The following STK33 variants were observed in gnomAD, a reference collection of about 807,000 sequenced individuals.
The protein encoded by STK33 is serine/threonine-protein kinase 33.
Under a neutral mutation model 58.0 loss-of-function variants are expected in STK33, and 52 were observed. The ratio of observed to expected loss-of-function variants is 0.90; its 90% CI spans 0.72 to 1.13. The LOEUF is 1.13. STK33 is among the 50% of genes most tolerant of loss of function. The pLI is 0.00. For missense variants in STK33, 630 were observed against 604.2 expected (o/e 1.04, Z -0.45); for synonymous variants, 215 against 200.1 (o/e 1.07, Z -0.63).
intron 1 of STK33, chr11:8,567,314 T>C (rs1031653501): frequency 6.6e-6 from 1 of 152,104 alleles, no homozygotes; most frequent in Non-Finnish European, 1.5e-5. Flanking sequence ...AAAAAGTGAA[T>C]ATTACCTACC....
intron 11 of STK33, among the ~76,000 whole-genome samples, chr11:8,441,441 T>G (rs1944730520): frequency 6.6e-6 from 1 of 152,012 alleles, no homozygotes; most frequent in African/African-American, 2.4e-5. Flanking sequence ...AGCCTCAAAC[T>G]ACTAGGTTCA....
intron 14 of STK33, among the ~76,000 whole-genome samples, chr11:8,419,045 G>T (rs966576865): frequency 2.6e-5 from 4 of 152,010 alleles, no homozygotes; most frequent in African/African-American, 4.8e-5. Context: ...TGGGCTGTTT[G>T]TTGATAGTTT....
At chr11:8,555,870 A>T (rs1956712635) in intron 1 of STK33, among the ~76,000 whole-genome samples, 1 of 152,140 alleles carries the variant, frequency 6.6e-6, no homozygotes, top group Admixed American at 6.5e-5. Context: ...AAAAACAAGA[A>T]GGGAAAAGTA....
At chr11:8,348,165 C>A in the STK33 span, among the ~76,000 whole-genome samples, 127 of 152,330 alleles carry the variant, frequency 8.3e-4, 3 homozygotes, top group South Asian at 0.025. Context: ...TTTAGTGGCT[C>A]AGATCCCTCC....
rs567940053 is a variant in STK33, at chr11:8,530,975, G to A, written c.-465-50361C>T. ...CAAAGTGTTAGGATTACAGGCGCGA[G>A]CCACCACACCCAGCCTCAAAAGCAT... On this transcript the variant is annotated intron_variant, in intron 1 of 15. Transcript: ENST00000687296. Among the ~76,000 whole-genome samples the A allele has an allele frequency of 4.4e-4, 67 of 152,240 alleles. 2 individuals carry two copies. The South Asian group carries it at 0.013, about 31-fold the overall frequency.
At chr11:8,492,208 T>G (rs1950676107) in intron 1 of STK33, among the ~76,000 whole-genome samples, 1 of 151,888 alleles carries the variant, frequency 6.6e-6, no homozygotes, top group Non-Finnish European at 1.5e-5. Context: ...CCATCTCACG[T>G]GCAGAGACAC....
intron 1 of STK33, among the ~76,000 whole-genome samples, chr11:8,553,553 T>C (rs1332575172): frequency 6.6e-6 from 1 of 152,068 alleles, no homozygotes; most frequent in Non-Finnish European, 1.5e-5. Flanking sequence ...TACGACTGTA[T>C]ATTTTAAGGC....
At chr11:8,451,191 CTT>C (rs1946231628) in intron 11 of STK33, among the ~76,000 whole-genome samples, 1 of 152,116 alleles carries the variant, frequency 6.6e-6, no homozygotes, top group African/African-American at 2.4e-5. Context: ...TAAACATAAA[CTT>C]AACATATGAT....
At chr11:8,398,255 C>G (rs1363721390) in intron 15 of STK33, among the ~76,000 whole-genome samples, 2 of 152,218 alleles carry the variant, frequency 1.3e-5, no homozygotes, top group African/African-American at 4.8e-5. Context: ...AGACTAACAG[C>G]TGATCTCTCA....
At chr11:8,584,159 C>T (rs1019004571) in intron 1 of STK33, among the ~76,000 whole-genome samples, 1 of 151,322 alleles carries the variant, frequency 6.6e-6, no homozygotes, top group Non-Finnish European at 1.5e-5. Flanking sequence ...ATGGTAGGGC[C>T]AGAACCTAAG....
At chr11:8,407,819 A>G (rs950033688) in intron 15 of STK33, among the ~76,000 whole-genome samples, 3 of 152,192 alleles carry the variant, frequency 2.0e-5, no homozygotes, top group Admixed American at 6.5e-5. Flanking sequence ...AAAGGTACAA[A>G]TTTACAGATT....
At position 8,439,816 on chromosome 11, in the gene STK33, C is replaced by A. The variant is rs117381436; in HGVS notation, c.947+862G>T. On this transcript the variant is annotated intron_variant, in intron 12 of 15. Transcript: ENST00000687296. ...ATGCCAAGATGCTCTGACACTTCTCCGTATACAAATACATATATATATGTA... is the reference window on the plus strand; with the variant it reads ...ATGCCAAGATGCTCTGACACTTCTCAGTATACAAATACATATATATATGTA... Among the ~76,000 whole-genome samples, 3 of 140,206 alleles carry A rather than the reference C, an allele frequency of 2.1e-5. No individual in the cohort carries two copies. The Admixed American group carries it at 2.2e-4, about 11-fold the overall frequency. The allele number at this position is 140,206 out of a possible 152,430, so 92.0% of individuals were successfully genotyped here. A position where few individuals can be genotyped will look rare whatever the true frequency, so the allele number is the denominator to read the frequency against.
intron 11 of STK33, among the ~76,000 whole-genome samples, chr11:8,448,870 T>C (rs1364333069): frequency 6.8e-6 from 1 of 147,816 alleles, no homozygotes; most frequent in Non-Finnish European, 1.5e-5. Context: ...GAGAAAATTG[T>C]TGCAATCTAC....
the STK33 span, among the ~76,000 whole-genome samples, chr11:8,344,070 G>A: frequency 6.6e-6 from 1 of 152,096 alleles, no homozygotes. Flanking sequence ...AAATAATAGG[G>A]CTGGACGCAG....
At chr11:8,583,826 A>C (rs897902110) in intron 1 of STK33, among the ~76,000 whole-genome samples, 3 of 152,250 alleles carry the variant, frequency 2.0e-5, no homozygotes, top group Non-Finnish European at 4.4e-5. Context: ...AGACATTTTA[A>C]GTATTCTAAG....
At chr11:8,462,597 GAGAGACAGACAGACAAAGAGAGAC>G (rs1947695233) in intron 7 of STK33, among the ~76,000 whole-genome samples, 1 of 151,892 alleles carries the variant, frequency 6.6e-6, no homozygotes. Flanking sequence ...CGGAAAGAGA[GAGAGACAGACAGACAAAGAGAGAC>G]AGAGACAGAG....
At chr11:8,435,768 C>T (rs1026567575) in intron 13 of STK33, among the ~76,000 whole-genome samples, 189 bp from the exon 14 acceptor site, 2 of 152,048 alleles carry the variant, frequency 1.3e-5, no homozygotes, top group Non-Finnish European at 2.9e-5. Context: ...CCTGGATTAC[C>T]TAGTTTAATG....
At chr11:8,495,899 G>C (rs1370952053) in intron 1 of STK33, among the ~76,000 whole-genome samples, 1 of 150,762 alleles carries the variant, frequency 6.6e-6, no homozygotes, top group African/African-American at 2.4e-5. Context: ...AGTGAACAAT[G>C]AGAACACTTG....
At chr11:8,540,524 A>T (rs917349110) in intron 1 of STK33, among the ~76,000 whole-genome samples, 1 of 152,136 alleles carries the variant, frequency 6.6e-6, no homozygotes, top group Non-Finnish European at 1.5e-5. Context: ...TGGTGTGTAT[A>T]CACACACGCA....
Sources: allele counts gnomAD v4.1 joint callset (sites outside exome capture counted in the v4.1 genomes callset), GRCh38; gene constraint gnomAD v4.1.1; transcripts MANE v1.5; gene names NCBI Gene and HGNC (gene_info 2026-07-23, HGNC 2026-07-21).